Variants in PTPRN2 observed in about 807,000 individuals in gnomAD.
PTPRN2 encodes receptor-type tyrosine-protein phosphatase N2.
In PTPRN2, 74 loss-of-function variants were observed where a neutral mutation model predicts 118.8. The ratio of observed to expected loss-of-function variants is 0.62; its 90% CI spans 0.52 to 0.76. The LOEUF is 0.76. Ranked by LOEUF, PTPRN2 falls within the 30% of genes least tolerant of loss-of-function variation. The probability of loss-of-function intolerance (pLI) is 0.00; values close to 1 mark genes in which losing one functional copy is unlikely to be tolerated. For missense variants in PTPRN2, 1,481 were observed against 1,394.4 expected, an observed-to-expected ratio of 1.06 and a Z score of -0.99; for synonymous variants, 641 against 608.0, an observed-to-expected ratio of 1.05 and a Z score of -0.80.
At chr7:157,816,078 T>C (rs1253064661) in intron 12 of PTPRN2, among the ~76,000 whole-genome samples, 1 of 152,168 alleles carries the variant, frequency 6.6e-6, no homozygotes, top group African/African-American at 2.4e-5. Flanking sequence ...GCTCCCCTCA[T>C]ATATACAAAT....
intron 12 of PTPRN2, among the ~76,000 whole-genome samples, chr7:157,872,435 A>T (rs965891420): frequency 7.2e-6 from 1 of 139,828 alleles, no homozygotes; most frequent in Non-Finnish European, 1.5e-5. Flanking sequence ...ACACACACAT[A>T]CCCAGTGTCC....
chr7:157,646,169 T>C (rs1443945008), intron 14 of PTPRN2, among the ~76,000 whole-genome samples: 1 of 152,206 alleles, frequency 6.6e-6, no homozygotes. Context: ...GGTTTGGATC[T>C]GTGTCCTGGC....
intron 3 of PTPRN2, among the ~76,000 whole-genome samples, chr7:158,228,359 T>C (rs1378991616): frequency 1.3e-5 from 2 of 152,084 alleles, no homozygotes; most frequent in East Asian, 1.9e-4. Context: ...TGAAGGAAGA[T>C]CCCAAAGAAG....
chr7:158,577,742 C>T (rs989682821), intron 1 of PTPRN2, among the ~76,000 whole-genome samples: 6 of 152,222 alleles, frequency 3.9e-5, no homozygotes, highest in Admixed American at 3.3e-4. Flanking sequence ...CCAGAGCCAC[C>T]GATCCCCAAG....
chr7:158,314,650 G>A (rs1051820265), intron 3 of PTPRN2, among the ~76,000 whole-genome samples: 24 of 148,632 alleles, frequency 1.6e-4, no homozygotes, highest in East Asian at 6.1e-4. Context: ...GGAGCTGCCC[G>A]GCGCCCTGGC....
intron 12 of PTPRN2, among the ~76,000 whole-genome samples, chr7:157,896,196 C>T (rs1797103193): frequency 6.6e-6 from 1 of 151,162 alleles, no homozygotes; most frequent in African/African-American, 2.4e-5. Flanking sequence ...ACCCAGATCC[C>T]CCAATCCAAG....
At chr7:157,873,549 G>T (rs979906125) in intron 12 of PTPRN2, among the ~76,000 whole-genome samples, 16 of 138,554 alleles carry the variant, frequency 1.2e-4, no homozygotes, top group Non-Finnish European at 1.7e-4. Flanking sequence ...CTGTCTCGTC[G>T]TGGGGGCCGG....
intron 2 of PTPRN2, among the ~76,000 whole-genome samples, chr7:158,368,462 T>A (rs1229780569): frequency 6.6e-6 from 1 of 152,216 alleles, no homozygotes; most frequent in Non-Finnish European, 1.5e-5. Flanking sequence ...ACCAGGTAGA[T>A]GAAGTAGGGT....
chr7:158,295,190 G>A (rs1254964630), intron 3 of PTPRN2, among the ~76,000 whole-genome samples: 1 of 121,494 alleles, frequency 8.2e-6, no homozygotes, highest in Non-Finnish European at 1.7e-5. Context: ...TGGTTCACCT[G>A]CCTTTCTGAG....
chr7:158,490,722 G>A (rs1206929922), intron 1 of PTPRN2, among the ~76,000 whole-genome samples: 1 of 152,268 alleles, frequency 6.6e-6, no homozygotes, highest in Non-Finnish European at 1.5e-5. Flanking sequence ...GCAAAGCACA[G>A]TGCCTTCAAT....
At chr7:157,918,297 G>A (rs545697130) in intron 11 of PTPRN2, among the ~76,000 whole-genome samples, 5 of 152,212 alleles carry the variant, frequency 3.3e-5, no homozygotes, top group Non-Finnish European at 7.3e-5. Context: ...GAAATCTGAA[G>A]ATCCTTACTG....
rs2129446938 is a variant in PTPRN2 at position 158,509,663 on chromosome 7, G to A, written c.113-19878C>T. ...TTCCATCTCTGTCATGGGCTCTACT[G>A]ACAACACACTAGCAGAAGAGACCAC... is the stretch of plus-strand genomic sequence containing the variant. On this transcript the variant is annotated intron_variant, in intron 1 of 22. Coordinates refer to ENST00000389418, the MANE Select transcript of PTPRN2 (RefSeq NM_002847.5). The surrounding 1 kb of genome is among the most constrained non-coding windows in gnomAD (Gnocchi z 4.4). 6.6e-6 allele frequency among the ~76,000 whole-genome samples: 1 copy of A among 152,332 alleles called. No individual in the cohort carries two copies. The highest frequency in any genetic ancestry group is 2.4e-5 in the African/African-American group (1 of 41,576).
At chr7:157,880,971 T>C (rs142005936) in intron 12 of PTPRN2, among the ~76,000 whole-genome samples, 17 of 152,220 alleles carry the variant, frequency 1.1e-4, no homozygotes, top group Non-Finnish European at 2.5e-4. Context: ...AGAGCTGAAT[T>C]GAGTCTCTCC....
At chr7:158,447,509 C>T (rs1347447173) in intron 2 of PTPRN2, among the ~76,000 whole-genome samples, 2 of 152,176 alleles carry the variant, frequency 1.3e-5, no homozygotes, top group African/African-American at 2.4e-5. Flanking sequence ...AGCAGGGCCC[C>T]AGGGAGCCCG....
intron 11 of PTPRN2, among the ~76,000 whole-genome samples, chr7:157,948,234 A>G (rs1800601311): frequency 2.0e-5 from 3 of 152,268 alleles, no homozygotes; most frequent in South Asian, 4.1e-4. Context: ...AGACAAATGC[A>G]TAAAACAATA....
At chr7:157,829,309 A>C (rs2151157037) in intron 12 of PTPRN2, among the ~76,000 whole-genome samples, 1 of 152,298 alleles carries the variant, frequency 6.6e-6, no homozygotes, top group East Asian at 1.9e-4. Context: ...GTGGCGCAAA[A>C]GAGATGAGGC....
At chr7:157,662,709 C>G (rs964021359) in intron 13 of PTPRN2, among the ~76,000 whole-genome samples, 1 of 152,144 alleles carries the variant, frequency 6.6e-6, no homozygotes, top group Non-Finnish European at 1.5e-5. Flanking sequence ...GAGAAGGGGC[C>G]GCCACTCCCT....
At chr7:157,982,781 G>A (rs1301659577) in intron 11 of PTPRN2, among the ~76,000 whole-genome samples, 2 of 88,414 alleles carry the variant, frequency 2.3e-5, no homozygotes, top group Admixed American at 1.3e-4. Context: ...CCCAAACCCC[G>A]AGTCACAGAG....
chr7:158,087,276 G>A (rs1454286097), intron 10 of PTPRN2, among the ~76,000 whole-genome samples: 1 of 152,240 alleles, frequency 6.6e-6, no homozygotes, highest in South Asian at 2.1e-4. Context: ...CGGGAATGAC[G>A]TGGTTGATAC....
Sources: allele counts gnomAD v4.1 joint callset (sites outside exome capture counted in the v4.1 genomes callset), GRCh38; gene constraint gnomAD v4.1.1; non-coding constraint Gnocchi (gnomAD v3.1); transcripts MANE v1.5; gene names NCBI Gene and HGNC (gene_info 2026-07-23, HGNC 2026-07-21).